The following CUL4B variants were observed in gnomAD, a reference collection of about 807,000 sequenced individuals.
The protein encoded by CUL4B is cullin-4B.
In CUL4B, 1 loss-of-function variant was observed where a neutral mutation model predicts 69.2. The observed-to-expected ratio is 0.01, with a 90% CI of 0.01 to 0.07. The LOEUF (loss-of-function observed/expected upper bound fraction) is 0.07, where lower values mean the gene tolerates loss of function less well. CUL4B is among the 10% of genes least tolerant of loss of function. The pLI is 1.00. For synonymous variants in CUL4B, 237 were observed against 223.2 expected (o/e 1.06, Z -0.55); for missense variants, 328 against 638.8 (o/e 0.51, Z 5.24).
intron 19 of CUL4B, among the ~76,000 whole-genome samples, chrX:120,529,454 G>C (rs762272681): frequency 9.0e-6 from 1 of 111,625 alleles, no homozygotes; most frequent in Non-Finnish European, 1.9e-5. Context: ...AACCCTAATA[G>C]CTAGCAGTCT....
chrX:120,573,036 T>C (rs1925760432), intron 2 of CUL4B, among the ~76,000 whole-genome samples: 1 of 111,389 alleles, frequency 9.0e-6, no homozygotes, highest in African/African-American at 3.3e-5. Context: ...TAGAAGAATA[T>C]AGGATAAAAA....
intron 18 of CUL4B, 98 bp downstream of exon 18, chrX:120,532,324 G>T: frequency 3.2e-6 from 2 of 625,948 alleles, no homozygotes; most frequent in Non-Finnish European, 5.0e-6. Context: ...AATATTAATG[G>T]TATTGGCAGT....
chrX:120,555,560 G>A (rs1328734298), intron 2 of CUL4B, among the ~76,000 whole-genome samples: 1 of 111,028 alleles, frequency 9.0e-6, no homozygotes, highest in East Asian at 2.8e-4. Context: ...TAGAAATCCA[G>A]CATCTCAGTT....
chrX:120,545,065 G>A (rs1924232235), intron 5 of CUL4B, among the ~76,000 whole-genome samples: 1 of 112,048 alleles, frequency 8.9e-6, no homozygotes, highest in African/African-American at 3.2e-5. Context: ...GCAGATGATA[G>A]GTACATGGGA....
chrX:120,560,698 G>C lies in CUL4B; in HGVS notation c.-60C>G. ...AAAACCTACGTTTATATGCCTGCGT[G>C]CGTGTAGGAGAGAAGGTAGCAATGC... On this transcript the variant is annotated 5_prime_UTR_variant, in exon 1 of 20. Coordinates refer to ENST00000371322, the MANE Select transcript of CUL4B (RefSeq NM_001079872.2). 1 of 1,180,518 alleles carries C rather than the reference G, an allele frequency of 8.5e-7. No homozygotes were observed. The highest frequency in any genetic ancestry group is 1.1e-6 in the Non-Finnish European group (1 of 884,746).
chrX:120,574,679 T>C (rs1925816726), intron 1 of CUL4B: 1 of 904,724 alleles, frequency 1.1e-6, no homozygotes, highest in Non-Finnish European at 1.6e-6. Context: ...CTCTCCCATA[T>C]CTGTATAGTG....
intron 2 of CUL4B, among the ~76,000 whole-genome samples, chrX:120,553,841 CTTAT>C (rs1464658318): frequency 8.9e-6 from 1 of 112,016 alleles, no homozygotes; most frequent in African/African-American, 3.2e-5. Flanking sequence ...TAAAATATTA[CTTAT>C]TAATAGTAAA....
chrX:120,551,756 C>G (rs1025580492), intron 2 of CUL4B, among the ~76,000 whole-genome samples: 2 of 112,178 alleles, frequency 1.8e-5, no homozygotes, highest in African/African-American at 6.5e-5. Context: ...ATGCTGGTCA[C>G]GAACTATTAA....
At chrX:120,536,108 C>T (rs1029585694) in intron 15 of CUL4B, among the ~76,000 whole-genome samples, 165 bp from the exon 16 acceptor site, 4 of 112,850 alleles carry the variant, frequency 3.5e-5, no homozygotes, top group African/African-American at 6.4e-5. Context: ...ACCACCAAAT[C>T]AAATGGGATT....
chrX:120,572,784 A>G (rs1267459122), intron 2 of CUL4B, among the ~76,000 whole-genome samples: 2 of 111,821 alleles, frequency 1.8e-5, no homozygotes, highest in Non-Finnish European at 3.8e-5. Context: ...AACATAGTAT[A>G]CTATATATGG....
rs1276742464 is a variant in CUL4B, at chrX:120,560,740, G to A, written c.-102C>T. On this transcript the variant is annotated 5_prime_UTR_variant, in exon 1 of 20. Coordinates refer to ENST00000371322, the MANE Select transcript of CUL4B (RefSeq NM_001079872.2). ...TAGCAATGCTAGAGGGGGAAGGGAA[G>A]AAAGAAGAGAGGAGAAACACAGAGG... 5.4e-6 allele frequency: 5 copies of A among 926,051 alleles called. No individual in the cohort carries two copies. Among genetic ancestry groups the A allele is most frequent in the African/African-American group, 2.2e-5 (1 of 46,077 alleles). The allele number at this position is 926,051 out of a possible 1,213,427, so 76.3% of individuals were successfully genotyped here. A position where few individuals can be genotyped will look rare whatever the true frequency, so the allele number is the denominator to read the frequency against.
rs1408193599 is a variant in CUL4B, at chrX:120,540,536, A to G, written c.1470T>C (p.Asn490=). ...GAACCATGGTTTTATCTTTTTCAGG[A>G]TTAATTACAATAGTGCTGCCAAATG... ...IKAFGSTIVI[N]PEKDKTMVQE... The change falls in exon 11 of 20, where the codon AAT becomes AAC. Residue 490 remains asparagine (N), a synonymous_variant. Coordinates refer to ENST00000371322, the MANE Select transcript of CUL4B (RefSeq NM_001079872.2). The G allele has an allele frequency of 8.3e-7, 1 of 1,205,307 alleles. No individual in the cohort carries two copies. The highest frequency in any genetic ancestry group is 2.2e-5 in the Admixed American group (1 of 45,458).
At chrX:120,530,049 T>C (rs746635504) in intron 19 of CUL4B, 53 bp downstream of exon 19, 55 of 1,114,126 alleles carry the variant, frequency 4.9e-5, no homozygotes, top group Middle Eastern at 2.5e-4. Flanking sequence ...GAAAATCTAA[T>C]GTACTTTCTT....
chrX:120,541,513 T>C (rs1013118389), intron 10 of CUL4B, 89 bp downstream of exon 10: 1 of 603,014 alleles, frequency 1.7e-6, no homozygotes, highest in Non-Finnish European at 2.7e-6. Flanking sequence ...AAAAAAAAAA[T>C]TGGATCAAAC....
chrX:120,540,994 TG>T (rs1462551498), intron 10 of CUL4B, among the ~76,000 whole-genome samples: 1 of 112,431 alleles, frequency 8.9e-6, no homozygotes, highest in East Asian at 2.8e-4. Context: ...TTCCTTAAAA[TG>T]GCAATCTGGC....
In CUL4B at chrX:120,560,048, C is replaced by A. The variant is rs762684071; in HGVS notation, c.556+35G>T. On this transcript the variant is annotated intron_variant, in intron 1 of 19. Transcript: ENST00000371322. ...CACGTGACCCCTCGAGTGTCAAATC[C>A]TTATTAGGTGATTATGGATTTTGGC... 3.1e-5 allele frequency: 38 copies of A among 1,209,373 alleles called. No individual in the cohort carries two copies. In the South Asian group the frequency reaches 6.2e-4, roughly 20 times the overall value.
Position 120,544,513 on chromosome X carries a change from G to C in CUL4B, c.1051C>G (p.Arg351Gly). The part of the protein sequence containing the change: ...NGEAIDRSLL[R>G]SLLSMLSDLQ... ...TCAGACAGCATGCTTAAAAGGCTTC[G>C]AAGTAAACTTCTATCAATTGCTTCA... Residue 351 changes from arginine to glycine, a missense_variant, in exon 6 of 20, where the codon CGA becomes GGA. Physicochemically the swap from Arg to Gly is moderately radical, Grantham distance 125. This residue lies in a region of CUL4B where 126 missense variants were observed against 202.5 expected (regional missense o/e 0.62). Coordinates refer to ENST00000371322, the MANE Select transcript of CUL4B (RefSeq NM_001079872.2). 8.3e-7 allele frequency: 1 copy of C among 1,211,070 alleles called. No individual in the cohort carries two copies. The highest frequency in any genetic ancestry group is 1.1e-6 in the Non-Finnish European group (1 of 894,922).
At chrX:120,526,966 C>G (rs1168685773) in intron 19 of CUL4B, 110 bp from the exon 20 acceptor site, 1 of 376,053 alleles carries the variant, frequency 2.7e-6, no homozygotes, top group Non-Finnish European at 4.6e-6. Flanking sequence ...ATTTAATCTC[C>G]TTTTTTAAAA....
chrX:120,559,237 G>A (rs1476618522), intron 1 of CUL4B, among the ~76,000 whole-genome samples: 1 of 111,574 alleles, frequency 9.0e-6, no homozygotes, highest in African/African-American at 3.3e-5. Context: ...TGGCAGTTAC[G>A]GGTGTTGAAA....
Sources: gnomAD v4.1 joint callset for allele counts (sites outside exome capture counted in the v4.1 genomes callset) on GRCh38, gnomAD v4.1.1 for gene constraint, gnomAD v4.1.1 regional missense constraint, MANE v1.5 for transcripts, NCBI Gene and HGNC (gene_info 2026-07-23, HGNC 2026-07-21) for gene names.